Variants in MAN1C1 observed in about 807,000 individuals in gnomAD.
MAN1C1 encodes mannosyl-oligosaccharide 1,2-alpha-mannosidase IC.
MAN1C1 carries 49 observed loss-of-function variants against 71.5 expected under a neutral mutation model. The ratio of observed to expected loss-of-function variants is 0.69; its 90% CI spans 0.54 to 0.87. MAN1C1 has a LOEUF of 0.87. Among genes scored for constraint, MAN1C1 ranks in the 40% least tolerant of loss-of-function variants. MAN1C1 has a pLI of 0.00. For missense variants in MAN1C1, 743 were observed against 835.0 expected, an observed-to-expected ratio of 0.89 and a Z score of 1.36; for synonymous variants, 352 against 343.7, an observed-to-expected ratio of 1.02 and a Z score of -0.27.
chr1:25,621,537 G>A (rs2045209498), intron 1 of MAN1C1, among the ~76,000 whole-genome samples: 1 of 152,122 alleles, frequency 6.6e-6, no homozygotes, highest in Non-Finnish European at 1.5e-5. Flanking sequence ...AGCTTTTCAG[G>A]GTTATATCTC....
At chr1:25,744,228 G>T (rs1384176159) in intron 2 of MAN1C1, among the ~76,000 whole-genome samples, 1 of 152,154 alleles carries the variant, frequency 6.6e-6, no homozygotes, top group Non-Finnish European at 1.5e-5. Flanking sequence ...GGGCTCCTCA[G>T]TGCCTCCCTG....
chr1:25,731,171 G>T (rs146950039), intron 2 of MAN1C1, among the ~76,000 whole-genome samples: 2 of 152,190 alleles, frequency 1.3e-5, no homozygotes, highest in African/African-American at 4.8e-5. Flanking sequence ...TTAGCCAGGC[G>T]TGGTGGCATG....
chr1:25,670,910 T>A (rs993020387), intron 1 of MAN1C1, among the ~76,000 whole-genome samples: 1 of 152,244 alleles, frequency 6.6e-6, no homozygotes, highest in Non-Finnish European at 1.5e-5. Context: ...GGGGTCTTAC[T>A]CTGTCACCCA....
At chr1:25,699,263 G>A (rs2046405741) in intron 2 of MAN1C1, among the ~76,000 whole-genome samples, 1 of 150,868 alleles carries the variant, frequency 6.6e-6, no homozygotes, top group Admixed American at 6.6e-5. Flanking sequence ...TTGCGCCATT[G>A]CACTCCAGCC....
chr1:25,676,199 G>A (rs1405303408), intron 1 of MAN1C1, among the ~76,000 whole-genome samples: 2 of 152,200 alleles, frequency 1.3e-5, no homozygotes, highest in African/African-American at 4.8e-5. Flanking sequence ...AACCCCATGG[G>A]CAGGATGTGG....
chr1:25,658,045 T>C (rs1455684999), intron 1 of MAN1C1, among the ~76,000 whole-genome samples: 1 of 152,252 alleles, frequency 6.6e-6, no homozygotes, highest in African/African-American at 2.4e-5. Context: ...CCTGCTGCCC[T>C]GCCCCCTGGC....
chr1:25,776,419 C>A lies in MAN1C1; in HGVS notation c.1258-1686C>A, dbSNP rs139473398. ...TACAAAAATTAGCCGGGGGTGGTGGCACACGCCTATAATTACCCAGCTACT... is the reference window on the plus strand; with the variant it reads ...TACAAAAATTAGCCGGGGGTGGTGGAACACGCCTATAATTACCCAGCTACT... On this transcript the variant is annotated intron_variant, in intron 8 of 11. Transcript: ENST00000374332. This position sits in a 1 kb window ranked among gnomAD's most constrained non-coding sequence, Gnocchi z 4.3. 7.3e-3 allele frequency among the ~76,000 whole-genome samples: 1,110 copies of A among 152,178 alleles called. 11 individuals carry two copies. The highest frequency in any genetic ancestry group is 0.01 in the Non-Finnish European group (690 of 68,008).
Position 25,634,990 on chromosome 1 carries a change from A to T in MAN1C1, c.540+16653A>T, listed in dbSNP as rs2045435918. Among the ~76,000 whole-genome samples the T allele has an allele frequency of 6.6e-6, 1 of 151,724 alleles. No individual in the cohort carries two copies. Among genetic ancestry groups the T allele is most frequent in the Non-Finnish European group, 1.5e-5 (1 of 67,968 alleles). The stretch of plus-strand genomic sequence containing the variant: ...TTTTTGGTGTCAACATTATGTTGAC[A>T]TCATAAAATAAACTGTATGTTGACT... On this transcript the variant is annotated intron_variant, in intron 1 of 11. Transcript: ENST00000374332. This position sits in a 1 kb window ranked among gnomAD's most constrained non-coding sequence, Gnocchi z 4.6.
chr1:25,649,587 C>G (rs2045662227), intron 1 of MAN1C1, among the ~76,000 whole-genome samples: 1 of 152,124 alleles, frequency 6.6e-6, no homozygotes, highest in African/African-American at 2.4e-5. Flanking sequence ...ATTAGCGGAC[C>G]CTTTGACTGG....
At chr1:25,630,779 A>G (rs576664064) in intron 1 of MAN1C1, among the ~76,000 whole-genome samples, 6 of 152,220 alleles carry the variant, frequency 3.9e-5, no homozygotes, top group African/African-American at 1.4e-4. Context: ...ACTTTAATGA[A>G]TTTATTTATC....
At chr1:25,643,318 G>C (rs930920074) in intron 1 of MAN1C1, among the ~76,000 whole-genome samples, 4 of 151,216 alleles carry the variant, frequency 2.6e-5, no homozygotes, top group East Asian at 3.9e-4. Flanking sequence ...TCAATAGCAC[G>C]ATCTCTGCTC....
intron 2 of MAN1C1, among the ~76,000 whole-genome samples, chr1:25,743,166 G>A (rs2047083809): frequency 6.6e-6 from 1 of 152,206 alleles, no homozygotes; most frequent in Non-Finnish European, 1.5e-5. Context: ...CAGATGTGTT[G>A]CTGGCTCATA....
intron 1 of MAN1C1, among the ~76,000 whole-genome samples, chr1:25,640,736 G>A (rs529394191): frequency 4.6e-5 from 7 of 152,250 alleles, no homozygotes; most frequent in Non-Finnish European, 1.0e-4. Context: ...ATAATTAAGT[G>A]AGGGGTAGAG....
At chr1:25,767,429 A>C in intron 7 of MAN1C1, among the ~76,000 whole-genome samples, 1 of 79,836 alleles carries the variant, frequency 1.3e-5, no homozygotes, top group Non-Finnish European at 2.3e-5. Context: ...TCCCAGACAC[A>C]CACACATTAC....
At chr1:25,765,577 C>T (rs1198230917) in intron 7 of MAN1C1, among the ~76,000 whole-genome samples, 2 of 152,184 alleles carry the variant, frequency 1.3e-5, no homozygotes, top group Admixed American at 6.5e-5. Context: ...GTTTCCTGTC[C>T]TGCAAAATGA....
At chr1:25,635,275 TG>T (rs201052466) in intron 1 of MAN1C1, among the ~76,000 whole-genome samples, 3 of 151,504 alleles carry the variant, frequency 2.0e-5, no homozygotes, top group East Asian at 3.9e-4. Context: ...GAAGTTTTTT[TG>T]GGGGGGGTTA....
chr1:25,618,750 T>G (rs1254026019), intron 1 of MAN1C1, among the ~76,000 whole-genome samples: 1 of 152,110 alleles, frequency 6.6e-6, no homozygotes, highest in Non-Finnish European at 1.5e-5. Context: ...GGTCCCATTC[T>G]TTTTCACTGT....
chr1:25,773,954 G>A (rs2047586769), intron 8 of MAN1C1, among the ~76,000 whole-genome samples: 1 of 152,120 alleles, frequency 6.6e-6, no homozygotes, highest in Non-Finnish European at 1.5e-5. Flanking sequence ...CTGCACCCCT[G>A]ACTCAGAACC....
At chr1:25,754,710 C>T (rs916993040) in intron 5 of MAN1C1, among the ~76,000 whole-genome samples, 34 of 152,272 alleles carry the variant, frequency 2.2e-4, no homozygotes, top group African/African-American at 7.2e-4. Flanking sequence ...CTGGCTCCCC[C>T]TCCCCGGGTC....
Sources: allele counts gnomAD v4.1 joint callset (sites outside exome capture counted in the v4.1 genomes callset), GRCh38; gene constraint gnomAD v4.1.1; non-coding constraint Gnocchi (gnomAD v3.1); transcripts MANE v1.5; gene names NCBI Gene and HGNC (gene_info 2026-07-23, HGNC 2026-07-21).